Variants in SPATA13 observed in about 807,000 individuals in gnomAD.
SPATA13 encodes the protein spermatogenesis-associated protein 13.
SPATA13 carries 50 observed loss-of-function variants against 104.0 expected under a neutral mutation model. That is an observed-to-expected ratio of 0.48 (90% CI 0.38 to 0.61). The LOEUF is 0.61. SPATA13 is among the 20% of genes least tolerant of loss of function. SPATA13 has a pLI of 0.00. For synonymous variants in SPATA13, 606 were observed against 667.5 expected (o/e 0.91, Z 1.42); for missense variants, 1,524 against 1,690.6 (o/e 0.90, Z 1.73).
At chr13:24,277,598 A>G (rs940237138) in intron 4 of SPATA13, among the ~76,000 whole-genome samples, 1 of 152,130 alleles carries the variant, frequency 6.6e-6, no homozygotes, top group African/African-American at 2.4e-5. Context: ...CTGGGTTCCT[A>G]TCCTGGTTCG....
intron 3 of SPATA13, among the ~76,000 whole-genome samples, chr13:24,027,611 A>C (rs569107605): frequency 6.6e-6 from 1 of 151,708 alleles, no homozygotes; most frequent in East Asian, 1.9e-4. Context: ...GCTGTTTTTT[A>C]TCTTTATGTA....
chr13:24,057,005 TTCTCTCTCTC>T (rs60596587), intron 3 of SPATA13, among the ~76,000 whole-genome samples: 19 of 131,178 alleles, frequency 1.4e-4, no homozygotes, highest in East Asian at 9.7e-4. Flanking sequence ...GCTGTTTTCT[TTCTCTCTCTC>T]TCTCTCTCTC....
chr13:24,235,282 A>G (rs1016725361), intron 2 of SPATA13, among the ~76,000 whole-genome samples: 6 of 152,242 alleles, frequency 3.9e-5, no homozygotes, highest in Non-Finnish European at 2.9e-5. Context: ...TTGGACTATC[A>G]GCAATCAACT....
upstream of SPATA13, among the ~76,000 whole-genome samples, chr13:24,158,921 G>A (rs1356293068): frequency 3.9e-5 from 6 of 152,298 alleles, no homozygotes; most frequent in East Asian, 7.7e-4. Flanking sequence ...ATTCATCTGA[G>A]GGCCAGGCCT....
intron 3 of SPATA13, among the ~76,000 whole-genome samples, chr13:24,144,398 C>T (rs1249297054): frequency 2.6e-5 from 4 of 152,094 alleles, no homozygotes; most frequent in African/African-American, 4.8e-5. Flanking sequence ...ACAAGATGAG[C>T]GAATGAAACT....
At chr13:24,160,638 G>A, upstream of SPATA13, 17 of 838,690 alleles carry the variant, frequency 2.0e-5, no homozygotes, top group Non-Finnish European at 2.3e-5. Context: ...CTAACCGGGG[G>A]CGTGGCCTGA....
chr13:24,287,285 C>G (rs1464661229), intron 7 of SPATA13, among the ~76,000 whole-genome samples: 2 of 152,138 alleles, frequency 1.3e-5, no homozygotes, highest in Admixed American at 1.3e-4. Flanking sequence ...CCTCAGCCCC[C>G]CGAGTAGCTA....
intron 3 of SPATA13, among the ~76,000 whole-genome samples, chr13:24,139,101 G>A (rs1000069451): frequency 5.3e-5 from 8 of 152,136 alleles, no homozygotes; most frequent in African/African-American, 1.7e-4. Flanking sequence ...ATCCTTCCTC[G>A]CCTCTTCCAG....
intron 2 of SPATA13, among the ~76,000 whole-genome samples, chr13:24,008,245 A>C (rs1876317418): frequency 6.6e-6 from 1 of 152,226 alleles, no homozygotes; most frequent in African/African-American, 2.4e-5. Flanking sequence ...GTTATCTGTA[A>C]ATTTCAGGAG....
intron 3 of SPATA13, among the ~76,000 whole-genome samples, chr13:24,121,690 A>G (rs1189293280): frequency 1.3e-5 from 2 of 152,186 alleles, no homozygotes; most frequent in Non-Finnish European, 2.9e-5. Context: ...TGCAAATGAG[A>G]CATTTTAAAT....
At position 24,297,746 on chromosome 13, in the gene SPATA13, C is replaced by A; in HGVS notation, c.3583+11C>A. On this transcript the variant is annotated intron_variant, in intron 11 of 12. Transcript: ENST00000382108. ...AGGACAAGGAGATGGGTGAGCAGCC[C>A]TTGGCTCTGCAGGCACCTGTGCCTC... The A allele has an allele frequency of 6.2e-7, 1 of 1,600,796 alleles. No individual in the cohort carries two copies. The highest frequency in any genetic ancestry group is 2.2e-5 in the East Asian group (1 of 44,720).
intron 1 of SPATA13, among the ~76,000 whole-genome samples, chr13:24,198,337 C>G (rs917114434): frequency 1.3e-5 from 2 of 152,130 alleles, no homozygotes; most frequent in Admixed American, 1.3e-4. Context: ...GTCAGGTCCT[C>G]CCAGCCTCCT....
intron 3 of SPATA13, among the ~76,000 whole-genome samples, chr13:24,139,938 G>T (rs1053155980): frequency 6.6e-6 from 1 of 151,980 alleles, no homozygotes; most frequent in African/African-American, 2.4e-5. Context: ...CGTGGTGGCG[G>T]GCACCTGTAG....
At chr13:24,007,264 C>G (rs1463342488) in intron 2 of SPATA13, among the ~76,000 whole-genome samples, 1 of 152,146 alleles carries the variant, frequency 6.6e-6, no homozygotes, top group African/African-American at 2.4e-5. Context: ...AGCCTCTGGT[C>G]AGAGGAAAGG....
intron 2 of SPATA13, among the ~76,000 whole-genome samples, chr13:24,227,861 C>A (rs1415766884): frequency 6.6e-6 from 1 of 152,084 alleles, no homozygotes; most frequent in Non-Finnish European, 1.5e-5. Flanking sequence ...TGAGCCACCA[C>A]GCCCGGCCTC....
intron 3 of SPATA13, among the ~76,000 whole-genome samples, chr13:24,059,408 C>G (rs2137752368): frequency 6.8e-6 from 1 of 146,638 alleles, no homozygotes; most frequent in Non-Finnish European, 1.6e-5. Context: ...CTTGTGTTTT[C>G]CACTTGATTT....
intron 3 of SPATA13, among the ~76,000 whole-genome samples, chr13:24,143,333 C>G (rs529712916): frequency 1.3e-5 from 2 of 152,312 alleles, no homozygotes; most frequent in South Asian, 4.1e-4. Context: ...TCTCATTTTA[C>G]TTCTCCCATT....
chr13:24,079,760 T>G (rs1208354651), intron 3 of SPATA13, among the ~76,000 whole-genome samples: 1 of 152,192 alleles, frequency 6.6e-6, no homozygotes, highest in Non-Finnish European at 1.5e-5. Context: ...CTGCCTACAT[T>G]AGGTCTCTGG....
At position 24,239,237 on chromosome 13, in the gene SPATA13, G is replaced by T. The variant is rs551075541; in HGVS notation, c.1654-10240G>T. 1.3e-3 allele frequency among the ~76,000 whole-genome samples: 204 copies of T among 152,290 alleles called. 1 individual carries two copies. Among genetic ancestry groups the T allele is most frequent in the Non-Finnish European group, 1.6e-3 (109 of 68,028 alleles). Reference sequence around the variant, plus strand: ...AGAATGGCGTAGGATTTCAGGAGATGATGGAGGAAATAGGGACGGGATGGC... The same window carrying T: ...AGAATGGCGTAGGATTTCAGGAGATTATGGAGGAAATAGGGACGGGATGGC... On this transcript the variant is annotated intron_variant, in intron 2 of 12. Coordinates refer to ENST00000382108, the MANE Select transcript of SPATA13 (RefSeq NM_001166271.3).
Sources: allele counts gnomAD v4.1 joint callset (sites outside exome capture counted in the v4.1 genomes callset), GRCh38; gene constraint gnomAD v4.1.1; transcripts MANE v1.5; gene names NCBI Gene and HGNC (gene_info 2026-07-23, HGNC 2026-07-21).